The following MDFIC2 variants were observed in gnomAD, a reference collection of about 807,000 sequenced individuals.
MDFIC2 encodes the protein myoD family inhibitor domain-containing protein 2.
At chr3:70,296,111 A>C (rs1575619041) in intron 2 of MDFIC2, among the ~76,000 whole-genome samples, 1 of 152,202 alleles carries the variant, frequency 6.6e-6, no homozygotes, top group Non-Finnish European at 1.5e-5. Flanking sequence ...AGTGGTAGGG[A>C]AAGGGTGAAA....
At chr3:70,262,213 G>A (rs1215294964) in intron 2 of MDFIC2, among the ~76,000 whole-genome samples, 1 of 152,140 alleles carries the variant, frequency 6.6e-6, no homozygotes, top group Non-Finnish European at 1.5e-5. Flanking sequence ...TATGATGAAA[G>A]GATGAAAATG....
intron 2 of MDFIC2, among the ~76,000 whole-genome samples, chr3:70,214,485 T>C (rs1701385537): frequency 6.6e-6 from 1 of 151,726 alleles, no homozygotes; most frequent in South Asian, 2.1e-4. Flanking sequence ...TAGAAGTGAG[T>C]GTTCAAGGTG....
rs183712157 is a variant in MDFIC2, at chr3:70,195,214, A to C, written c.*1712T>G. 4.0e-5 allele frequency among the ~76,000 whole-genome samples: 6 copies of C among 151,292 alleles called. No individual in the cohort carries two copies. Among genetic ancestry groups the C allele is most frequent in the African/African-American group, 1.5e-4 (6 of 41,250 alleles). On this transcript the variant is annotated 3_prime_UTR_variant, in exon 4 of 4. Transcript: ENST00000567252. ...TGTTCCCTTCCTGTTCTAGGAATCT[A>C]TTTTTTTTTCTTCTAATGATCTACA... is the stretch of plus-strand genomic sequence containing the variant.
intron 2 of MDFIC2, among the ~76,000 whole-genome samples, chr3:70,222,170 G>A (rs1701466442): frequency 6.6e-6 from 1 of 152,086 alleles, no homozygotes; most frequent in East Asian, 1.9e-4. Context: ...GTATTCTGCT[G>A]GTCTCTTTCT....
intron 2 of MDFIC2, among the ~76,000 whole-genome samples, chr3:70,252,051 G>A (rs1195396354): frequency 6.6e-6 from 1 of 152,182 alleles, no homozygotes; most frequent in African/African-American, 2.4e-5. Flanking sequence ...GGCAAAAGGA[G>A]TTTCTCCTGT....
At chr3:70,203,581 A>C (rs1454210549) in intron 3 of MDFIC2, among the ~76,000 whole-genome samples, 2 of 152,194 alleles carry the variant, frequency 1.3e-5, no homozygotes, top group Non-Finnish European at 2.9e-5. Flanking sequence ...TGAGCAAATG[A>C]ACTGAAATAA....
At chr3:70,312,227 C>G (rs1702460431) in intron 1 of MDFIC2, among the ~76,000 whole-genome samples, 1 of 152,092 alleles carries the variant, frequency 6.6e-6, no homozygotes, top group Non-Finnish European at 1.5e-5. Flanking sequence ...TACAATTTCT[C>G]AATGTGAAAG....
At chr3:70,245,672 TA>T (rs1159106365) in intron 2 of MDFIC2, among the ~76,000 whole-genome samples, 3 of 14,692 alleles carry the variant, frequency 2.0e-4, no homozygotes, top group African/African-American at 1.6e-3. Flanking sequence ...CAAACTGCTT[TA>T]TATATATATA....
At chr3:70,238,304 C>T (rs1013015248) in intron 2 of MDFIC2, among the ~76,000 whole-genome samples, 1 of 151,782 alleles carries the variant, frequency 6.6e-6, no homozygotes, top group Non-Finnish European at 1.5e-5. Flanking sequence ...ATTTTTCTGC[C>T]ATGTGTAAAA....
chr3:70,276,985 T>G (rs558188533), intron 2 of MDFIC2, among the ~76,000 whole-genome samples: 1 of 152,194 alleles, frequency 6.6e-6, no homozygotes, highest in African/African-American at 2.4e-5. Flanking sequence ...TTTTTATTCT[T>G]TCTTAAGGAA....
At chr3:70,301,907 G>A (rs1156613480) in intron 2 of MDFIC2, among the ~76,000 whole-genome samples, 2 of 152,100 alleles carry the variant, frequency 1.3e-5, no homozygotes, top group Non-Finnish European at 2.9e-5. Context: ...TGAAAGAGGA[G>A]TTAAAATGCA....
chr3:70,272,483 A>C (rs6419775), intron 2 of MDFIC2: 146,699 of 152,318 alleles, frequency 0.96, 70,855 homozygotes, highest in Non-Finnish European at 1. Context: ...GAATAAACCA[A>C]AATTTGTTTA....
At chr3:70,301,519 T>C (rs1702348818) in intron 2 of MDFIC2, among the ~76,000 whole-genome samples, 6 of 152,154 alleles carry the variant, frequency 3.9e-5, no homozygotes, top group Admixed American at 3.9e-4. Flanking sequence ...CTTGTGTAAG[T>C]ATGTGTCTTG....
At chr3:70,255,681 ACTG>A (rs1296188091) in intron 2 of MDFIC2, among the ~76,000 whole-genome samples, 1 of 151,984 alleles carries the variant, frequency 6.6e-6, no homozygotes, top group East Asian at 1.9e-4. Context: ...CTGGTCTTGA[ACTG>A]CTGGGCTCAA....
At chr3:70,255,809 G>A (rs115599816) in intron 2 of MDFIC2, among the ~76,000 whole-genome samples, 4,455 of 152,208 alleles carry the variant, frequency 0.029, 145 homozygotes, top group Admixed American at 0.092. Context: ...TTAGGAATTG[G>A]GAAATGATCA....
intron 2 of MDFIC2, among the ~76,000 whole-genome samples, chr3:70,262,635 A>C (rs908697714): frequency 2.0e-5 from 3 of 152,338 alleles, no homozygotes; most frequent in African/African-American, 7.2e-5. Flanking sequence ...CAAAGCAAGC[A>C]GTCATTGACT....
At chr3:70,232,243 G>A (rs1429509186) in intron 2 of MDFIC2, among the ~76,000 whole-genome samples, 3 of 152,040 alleles carry the variant, frequency 2.0e-5, no homozygotes, top group Admixed American at 2.0e-4. Flanking sequence ...CAACAGCTTT[G>A]GACACACCAA....
intron 2 of MDFIC2, chr3:70,302,486 T>C (rs1412775835): frequency 1.3e-5 from 2 of 152,208 alleles, no homozygotes; most frequent in African/African-American, 4.8e-5. Flanking sequence ...TTTATACTAA[T>C]GTTGATTAAG....
chr3:70,231,382 G>C (rs1701558876), intron 2 of MDFIC2, among the ~76,000 whole-genome samples: 1 of 152,148 alleles, frequency 6.6e-6, no homozygotes, highest in Non-Finnish European at 1.5e-5. Flanking sequence ...GCAAACTTGC[G>C]TTTTTTCTCT....
Sources: gnomAD v4.1 joint callset for allele counts (sites outside exome capture counted in the v4.1 genomes callset) on GRCh38, gnomAD v4.1.1 for gene constraint, MANE v1.5 for transcripts, NCBI Gene and HGNC (gene_info 2026-07-23, HGNC 2026-07-21) for gene names.